LAMB2: variants seen among roughly 807,000 people sequenced by gnomAD.
The protein encoded by LAMB2 is laminin subunit beta-2.
In LAMB2, 119 loss-of-function variants were observed where a neutral mutation model predicts 202.7. That is an observed-to-expected ratio of 0.59 (90% confidence interval 0.51 to 0.68). LAMB2 has a LOEUF of 0.68. Ranked by LOEUF, LAMB2 falls within the 30% of genes least tolerant of loss-of-function variation. The pLI, the probability that LAMB2 is intolerant of heterozygous loss-of-function variation, is 0.00. For synonymous variants in LAMB2, 818 were observed against 902.2 expected (o/e 0.91, Z 1.67); for missense variants, 2,124 against 2,410.6 (o/e 0.88, Z 2.49).
Position 49,131,439 on chromosome 3 carries a change from T to C in LAMB2, c.652A>G (p.Ile218Val). The C allele has an allele frequency of 6.2e-7, 1 of 1,614,086 alleles. No individual in the cohort carries two copies. The highest frequency in any genetic ancestry group is 8.5e-7 in the Non-Finnish European group (1 of 1,180,006). The stretch of plus-strand genomic sequence containing the variant: ...ATGGCAGGGTCCAGCACACGATAGA[T>C]GACCTGGAGAAGCAGGGAGTTCATA... Reference protein sequence around the residue: ...EIEPSTEGEVIYRVLDPAIPI... With the variant: ...EIEPSTEGEVVYRVLDPAIPI... Residue 218 changes from isoleucine (I) to valine (V), a missense_variant, in exon 6 of 32, where the codon ATC (isoleucine) becomes GTC (valine). Physicochemically the swap from Ile to Val is conservative, Grantham distance 29 (BLOSUM62 3). Transcript: ENST00000305544. This position sits in a 1 kb window ranked among gnomAD's most constrained non-coding sequence, Gnocchi z 5.0.
chr3:49,124,394 C>T lies in LAMB2; in HGVS notation c.3327+1G>A. ...CAGGGATCTGCAGGAGGGTCCCATA[C>T]CTCGTTGCAGGTGGGGCCTCTGGCC... On this transcript the variant is annotated splice_donor_variant, in intron 22 of 31. Transcript: ENST00000305544. LOFTEE classifies it high-confidence loss of function. The T allele has an allele frequency of 6.2e-7, 1 of 1,613,554 alleles. No individual in the cohort carries two copies. The highest frequency in any genetic ancestry group is 8.5e-7 in the Non-Finnish European group (1 of 1,179,794).
rs752200038 is a variant in LAMB2, at chr3:49,132,583, C to T, written c.157G>A (p.Asp53Asn). Reference sequence around the variant, plus strand: ...CTGTCAGCTCGGCCCACCAGCAGGTCGCCCGTGGCGGGGTAGCAGCTTCCC... The same window carrying T: ...CTGTCAGCTCGGCCCACCAGCAGGTTGCCCGTGGCGGGGTAGCAGCTTCCC... ...SRGSCYPATGDLLVGRADRLT... is the reference protein window; with the variant it reads ...SRGSCYPATGNLLVGRADRLT... Residue 53 changes from aspartate (D) to asparagine (N), a missense_variant, in exon 2 of 32, where the codon GAC becomes AAC. Physicochemically the swap from Asp to Asn is conservative, Grantham distance 23. This residue lies in a region of LAMB2 where 166 missense variants were observed against 158.2 expected (regional missense o/e 1.05). Transcript: ENST00000305544. The surrounding 1 kb of genome is among the most constrained non-coding windows in gnomAD (Gnocchi z 4.6). The T allele has an allele frequency of 4.3e-6, 7 of 1,613,778 alleles. No individual in the cohort carries two copies. Among genetic ancestry groups the T allele is most frequent in the Non-Finnish European group, 5.1e-6 (6 of 1,180,040 alleles).
At chr3:49,128,333 T>G in intron 15 of LAMB2, 125 bp downstream of exon 15, 1 of 1,272,270 alleles carries the variant, frequency 7.9e-7, no homozygotes, top group Non-Finnish European at 1.1e-6. Flanking sequence ...GCAACCAGCA[T>G]TCTGGAGGTA....
chr3:49,129,402 C>G lies in LAMB2; in HGVS notation c.1519-78G>C, dbSNP rs905883303. Reference sequence around the variant, plus strand: ...CACCCAGCAGGAAATCCCAACCACACGTCTTAGCCTCAATCACCCCTCAGT... The same window carrying G: ...CACCCAGCAGGAAATCCCAACCACAGGTCTTAGCCTCAATCACCCCTCAGT... On this transcript the variant is annotated intron_variant, in intron 11 of 31. Transcript: ENST00000305544. This position sits in a 1 kb window ranked among gnomAD's most constrained non-coding sequence, Gnocchi z 6.1. The G allele has an allele frequency of 1.5e-6, 2 of 1,323,722 alleles. No individual in the cohort carries two copies. The highest frequency in any genetic ancestry group is 2.4e-5 in the East Asian group (1 of 42,100). The allele number at this position is 1,323,722 out of a possible 1,614,324, so 82.0% of individuals were successfully genotyped here.
Position 49,131,679 on chromosome 3 carries a change from A to G in LAMB2, c.504T>C (p.Phe168=). Residue 168 remains phenylalanine, a synonymous_variant, in exon 5 of 32, where the codon TTT becomes TTC. Coordinates refer to ENST00000305544, the MANE Select transcript of LAMB2 (RefSeq NM_002292.4). The surrounding 1 kb of genome is among the most constrained non-coding windows in gnomAD (Gnocchi z 5.0). ...ATCGGTACACATGCCAGGTGCGGCC[A>G]AAGTCTGCTGAGCGTTCCACCAGCA... ...AAMLVERSAD[F]GRTWHVYRYF... is the part of the protein sequence containing the mutation. 1 of 1,613,602 alleles carries G rather than the reference A, an allele frequency of 6.2e-7. No homozygotes were observed. Among genetic ancestry groups the G allele is most frequent in the Non-Finnish European group, 8.5e-7 (1 of 1,180,036 alleles).
At position 49,132,839 on chromosome 3, in the gene LAMB2, C is replaced by T. The variant is rs2045497081; in HGVS notation, c.29G>A (p.Arg10Lys). The part of the protein sequence containing the change: MELTSRERG[R>K]GQPLPWELRL... Reference sequence around the variant, plus strand: ...AAGTTCCCAGGGCAGAGGCTGTCCCCTCCCTCTTTCCCTTGAGGTCAGCTC... The same window carrying T: ...AAGTTCCCAGGGCAGAGGCTGTCCCTTCCCTCTTTCCCTTGAGGTCAGCTC... The change falls in exon 1 of 32, where the codon AGG becomes AAG. Residue 10 changes from arginine (R) to lysine (K), a missense_variant. Physicochemically the swap from Arg to Lys is conservative, Grantham distance 26. Coordinates refer to ENST00000305544, the MANE Select transcript of LAMB2 (RefSeq NM_002292.4). This position sits in a 1 kb window ranked among gnomAD's most constrained non-coding sequence, Gnocchi z 4.6. 1.2e-6 allele frequency: 2 copies of T among 1,614,156 alleles called. No homozygotes were observed. The highest frequency in any genetic ancestry group is 1.7e-5 in the Admixed American group (1 of 60,030).
Position 49,131,698 on chromosome 3 carries a change from A to G in LAMB2, c.485T>C (p.Val162Ala). ...GCGGCCAAAGTCTGCTGAGCGTTCC[A>G]CCAGCATGGCAGCAGGGCGAAATGT... ...FKTFRPAAML[V>A]ERSADFGRTW... Residue 162 changes from valine (V) to alanine (A), a missense_variant, in exon 5 of 32, where the codon GTG becomes GCG. By Grantham distance (64) the Val-to-Ala change is moderately conservative. This residue lies in a region of LAMB2 where 256 missense variants were observed against 356.1 expected (regional missense o/e 0.72). Transcript: ENST00000305544. This position sits in a 1 kb window ranked among gnomAD's most constrained non-coding sequence, Gnocchi z 5.0. The G allele has an allele frequency of 6.2e-7, 1 of 1,613,450 alleles. No individual in the cohort carries two copies. The highest frequency in any genetic ancestry group is 8.5e-7 in the Non-Finnish European group (1 of 1,180,036).
chr3:49,122,023 T>C lies in LAMB2; in HGVS notation c.4844A>G (p.Gln1615Arg). ...ETVQAALEEA[Q>R]RAQGIAQGAI... ...ACCCTGGGCAATACCCTGTGCCCGC[T>C]GGGCCTCCTCCAGTGCTGCCTGTAC... Residue 1615 changes from glutamine (Q) to arginine (R), a missense_variant, in exon 29 of 32, where the codon CAG becomes CGG. By Grantham distance (43) the Gln-to-Arg change is conservative. Coordinates refer to ENST00000305544, the MANE Select transcript of LAMB2 (RefSeq NM_002292.4). 6.2e-7 allele frequency: 1 copy of C among 1,613,820 alleles called. No individual in the cohort carries two copies. Among genetic ancestry groups the C allele is most frequent in the Non-Finnish European group, 8.5e-7 (1 of 1,180,030 alleles).
At chr3:49,122,535 G>T in intron 27 of LAMB2, 165 bp from the exon 28 acceptor site, 1 of 927,054 alleles carries the variant, frequency 1.1e-6, no homozygotes, top group Non-Finnish European at 1.7e-6. Context: ...TCAGACTCAA[G>T]AACATGGACC....
At chr3:49,122,565 T>G (rs901625014) in intron 27 of LAMB2, 139 bp downstream of exon 27, 1 of 945,104 alleles carries the variant, frequency 1.1e-6, no homozygotes, top group Non-Finnish European at 1.7e-6. Context: ...ATATGGGCAA[T>G]AACTCAGGAG....
In LAMB2 at chr3:49,126,360, T is replaced by C; in HGVS notation, c.2151+5A>G. On this transcript the variant is annotated splice_donor_5th_base_variant and intron_variant, in intron 16 of 31. Coordinates refer to ENST00000305544, the MANE Select transcript of LAMB2 (RefSeq NM_002292.4). ...GGTTGGTGTGGGCAAGAGGAGATTA[T>C]TCACCGAGTCAATGAGCAGGCCAGG... 1.2e-6 allele frequency: 2 copies of C among 1,614,192 alleles called. No homozygotes were observed. Among genetic ancestry groups the C allele is most frequent in the Non-Finnish European group, 1.7e-6 (2 of 1,180,026 alleles).
chr3:49,122,003 G>T lies in LAMB2; in HGVS notation c.4864C>A (p.Gln1622Lys). The change falls in exon 29 of 32, where the codon CAG becomes AAG. Residue 1622 changes from glutamine (Q) to lysine (K), a missense_variant. Physicochemically the swap from Gln to Lys is moderately conservative, Grantham distance 53 (BLOSUM62 1). Coordinates refer to ENST00000305544, the MANE Select transcript of LAMB2 (RefSeq NM_002292.4). The stretch of plus-strand genomic sequence containing the variant: ...GCCACTGCCCCCCGGATGGCACCCT[G>T]GGCAATACCCTGTGCCCGCTGGGCC... Reference protein sequence around the residue: ...EEAQRAQGIAQGAIRGAVADT... With the variant: ...EEAQRAQGIAKGAIRGAVADT... 1 of 1,613,790 alleles carries T rather than the reference G, an allele frequency of 6.2e-7. No individual in the cohort carries two copies. Among genetic ancestry groups the T allele is most frequent in the Non-Finnish European group, 8.5e-7 (1 of 1,180,010 alleles).
Position 49,131,582 on chromosome 3 carries a change from C to T in LAMB2, c.601G>A (p.Val201Ile), listed in dbSNP as rs372216542. The part of the protein sequence containing the change: ...LAPPRHWDDV[V>I]CESRYSEIEP... ...ATCTCTGAGTAGCGGGACTCACAGA[C>T]TACATCATCCCAGTGCCGTGGGGGT... Residue 201 changes from valine (V) to isoleucine (I), a missense_variant, in exon 5 of 32, where the codon GTC (valine) becomes ATC (isoleucine). Val to Ile is a conservative substitution (Grantham distance 29). Coordinates refer to ENST00000305544, the MANE Select transcript of LAMB2 (RefSeq NM_002292.4). This position sits in a 1 kb window ranked among gnomAD's most constrained non-coding sequence, Gnocchi z 5.0. 1.7e-5 allele frequency: 28 copies of T among 1,613,830 alleles called. No individual in the cohort carries two copies. The African/African-American group carries it at 3.3e-4, about 19-fold the overall frequency.
Position 49,131,312 on chromosome 3 carries a change from T to C in LAMB2, c.712+67A>G. 1 of 1,567,564 alleles carries C rather than the reference T, an allele frequency of 6.4e-7. No individual in the cohort carries two copies. On this transcript the variant is annotated intron_variant, in intron 6 of 31. Transcript: ENST00000305544. The surrounding 1 kb of genome is among the most constrained non-coding windows in gnomAD (Gnocchi z 5.0). ...TGCCCTAGGAAGCACCCAAAATAGT[T>C]ACTGAGGCCCCAAATAGTCCCTAGC...
rs375392013 is a variant in LAMB2 at position 49,125,283 on chromosome 3, C to T, written c.2690G>A (p.Arg897His). 8 of 1,613,826 alleles carry T rather than the reference C, an allele frequency of 5.0e-6. No individual in the cohort carries two copies. Among genetic ancestry groups the T allele is most frequent in the African/African-American group, 2.7e-5 (2 of 74,948 alleles). ...ACAGTGCTCACCCCCTGTGTGATCA[C>T]GGCAGCCCAGGCAAGCGCCTGTGTG... ...NTHTGACLGC[R>H]DHTGGEHCER... The change falls in exon 19 of 32, where the codon CGT becomes CAT. Residue 897 changes from arginine (R) to histidine (H), a missense_variant. Transcript: ENST00000305544.
Position 49,124,258 on chromosome 3 carries a change from C to CGG in LAMB2, c.3355_3356insCC (p.Gly1119AlafsTer33). 1 of 1,613,934 alleles carries CGG rather than the reference C, an allele frequency of 6.2e-7. No homozygotes were observed. Among genetic ancestry groups the CGG allele is most frequent in the Non-Finnish European group, 8.5e-7 (1 of 1,179,930 alleles). ...CTCAGAACAAGTCCGCCCTCCAAAG[C>CGG]CGGCACGGCAGTGGCACTGCCCTGT... On this transcript the variant is annotated frameshift_variant, in exon 23 of 32. Coordinates refer to ENST00000305544, the MANE Select transcript of LAMB2 (RefSeq NM_002292.4). LOFTEE classifies it high-confidence loss of function.
rs1345279544 is a variant in LAMB2 at position 49,125,826 on chromosome 3, C to A, written c.2409G>T (p.Leu803=). Residue 803 remains leucine (L), a synonymous_variant, in exon 18 of 32, where the codon CTG becomes CTT. Transcript: ENST00000305544. ...GGCGCCCAACCACTCCAGGCTTGCA[C>A]AGGCACTGACCACCATGAGGGTTGC... ...SECNPHGGQC[L]CKPGVVGRRC... is the part of the protein sequence containing the mutation. 2 of 1,614,168 alleles carry A rather than the reference C, an allele frequency of 1.2e-6. No homozygotes were observed. The highest frequency in any genetic ancestry group is 8.5e-7 in the Non-Finnish European group (1 of 1,180,022).
chr3:49,130,327 A>C lies in LAMB2; in HGVS notation c.1129T>G (p.Cys377Gly). ...TGGCGCCCAGCTGTGTTATGCTGACATCCATCACACACACCTCCACTCACA... is the reference window on the plus strand; with the variant it reads ...TGGCGCCCAGCTGTGTTATGCTGACCTCCATCACACACACCTCCACTCACA... ...GNVSGGVCDG[C>G]QHNTAGRHCE... The change falls in exon 9 of 32, where the codon TGT (cysteine) becomes GGT (glycine). Residue 377 changes from cysteine (C) to glycine (G), a missense_variant. This residue lies in a region of LAMB2 where 256 missense variants were observed against 356.1 expected (regional missense o/e 0.72). Coordinates refer to ENST00000305544, the MANE Select transcript of LAMB2 (RefSeq NM_002292.4). The surrounding 1 kb of genome is among the most constrained non-coding windows in gnomAD (Gnocchi z 5.0). 6.2e-7 allele frequency: 1 copy of C among 1,614,176 alleles called. No homozygotes were observed. The highest frequency in any genetic ancestry group is 8.5e-7 in the Non-Finnish European group (1 of 1,180,018).
rs757692445 is a variant in LAMB2 at position 49,125,073 on chromosome 3, A to C, written c.2817T>G (p.Phe939Leu). The change falls in exon 20 of 32, where the codon TTT becomes TTG. Residue 939 changes from phenylalanine (F) to leucine (L), a missense_variant. By Grantham distance (22) the Phe-to-Leu change is conservative. Coordinates refer to ENST00000305544, the MANE Select transcript of LAMB2 (RefSeq NM_002292.4). ...CPEGPGSQRH[F>L]ATSCHQDEYS... Reference sequence around the variant, plus strand: ...ATTCATCCTGGTGGCAAGAAGTAGCAAAGTGCCGTTGGCTCCCAGGGCCTT... The same window carrying C: ...ATTCATCCTGGTGGCAAGAAGTAGCCAAGTGCCGTTGGCTCCCAGGGCCTT... 1.2e-6 allele frequency: 2 copies of C among 1,613,946 alleles called. No homozygotes were observed. The highest frequency in any genetic ancestry group is 1.7e-6 in the Non-Finnish European group (2 of 1,180,034).
Sources: gnomAD v4.1 joint callset for allele counts on GRCh38, gnomAD v4.1.1 for gene constraint, gnomAD v4.1.1 regional missense constraint, Gnocchi (gnomAD v3.1) non-coding constraint, MANE v1.5 for transcripts, NCBI Gene and HGNC (gene_info 2026-07-23, HGNC 2026-07-21) for gene names.